The following ZNF33A variants were observed in gnomAD, a reference collection of about 807,000 sequenced individuals.
ZNF33A encodes the protein brain my041 protein.
A neutral mutation model predicts 15.9 loss-of-function variants in ZNF33A; 9 were observed. The ratio of observed to expected loss-of-function variants is 0.57; its 90% CI spans 0.34 to 0.99. The LOEUF (loss-of-function observed/expected upper bound fraction) is 0.99. ZNF33A is among the 50% of genes least tolerant of loss of function. ZNF33A has a pLI of 0.02. For missense variants in ZNF33A, 843 were observed against 941.6 expected (o/e 0.90, Z 1.37); for synonymous variants, 294 against 324.2 (o/e 0.91, Z 1.00).
At position 38,010,844 on chromosome 10, in the gene ZNF33A, C is replaced by G. The variant is rs1308439736; in HGVS notation, c.-45+61C>G. 3 of 1,584,072 alleles carry G rather than the reference C, an allele frequency of 1.9e-6. No individual in the cohort carries two copies. In the African/African-American group the frequency reaches 4.0e-5, roughly 21 times the overall value. On this transcript the variant is annotated intron_variant, in intron 1 of 4. Transcript: ENST00000432900. ...AGCCCCGCGCGACTCCTGGGGCGGG[C>G]GGCAGGGGGCCGGTACCAAGTGGTG...
chr10:38,054,358 AT>A lies in ZNF33A; in HGVS notation c.251-13del, dbSNP rs760527345. The stretch of plus-strand genomic sequence containing the variant: ...TTTTGGTATTTATGTGGTAAGATTA[AT>A]TTTGCTTGTTTCTAGAAGTCTGGAC... On this transcript the variant is annotated splice_polypyrimidine_tract_variant and intron_variant, in intron 4 of 4. Coordinates refer to ENST00000432900, the MANE Select transcript of ZNF33A (RefSeq NM_006954.2). 4 of 1,514,754 alleles carry A rather than the reference AT, an allele frequency of 2.6e-6. No individual in the cohort carries two copies. The highest frequency in any genetic ancestry group is 2.8e-5 in the African/African-American group (2 of 71,492). The allele number at this position is 1,514,754 out of a possible 1,614,324, so 93.8% of individuals were successfully genotyped here.
In ZNF33A at chr10:38,010,681, G is replaced by A; in HGVS notation, c.-147G>A. ...GTCCGCCGGCTACGTCTGCGTTTCC[G>A]CCTTTCCTTTTGTTTTTCTCAGGTT... On this transcript the variant is annotated 5_prime_UTR_variant, in exon 1 of 5. Transcript: ENST00000432900. 6.3e-7 allele frequency: 1 copy of A among 1,593,574 alleles called. No individual in the cohort carries two copies. Among genetic ancestry groups the A allele is most frequent in the Non-Finnish European group, 8.5e-7 (1 of 1,175,360 alleles).
chr10:38,011,174 T>G (rs2135518017), intron 1 of ZNF33A, among the ~76,000 whole-genome samples: 1 of 152,344 alleles, frequency 6.6e-6, no homozygotes, highest in African/African-American at 2.4e-5. Context: ...GTTGCACGTA[T>G]TGCATTCATC....
At chr10:38,024,576 G>A (rs2064901043) in intron 4 of ZNF33A, among the ~76,000 whole-genome samples, 1 of 152,086 alleles carries the variant, frequency 6.6e-6, no homozygotes, top group Non-Finnish European at 1.5e-5. Flanking sequence ...TGCATAAACA[G>A]TCAAAGTCAT....
At chr10:38,010,826 C>A (rs773903723) in intron 1 of ZNF33A, 43 bp downstream of exon 1, 1 of 1,595,368 alleles carries the variant, frequency 6.3e-7, no homozygotes, top group African/African-American at 1.3e-5. Flanking sequence ...GGGAGCCCCG[C>A]GCGACTCCTG....
chr10:38,015,144 G>C (rs2064388838), intron 2 of ZNF33A, among the ~76,000 whole-genome samples: 1 of 152,024 alleles, frequency 6.6e-6, no homozygotes, highest in Non-Finnish European at 1.5e-5. Flanking sequence ...CAAAGTACTA[G>C]GATTATAGAT....
chr10:38,041,166 G>GT (rs909206344), intron 4 of ZNF33A, among the ~76,000 whole-genome samples: 3 of 151,770 alleles, frequency 2.0e-5, no homozygotes, highest in Non-Finnish European at 2.9e-5. Context: ...GTGCAGTTTT[G>GT]TTACCCAGAC....
At chr10:38,019,669 CATT>C (rs2064649075) in intron 4 of ZNF33A, among the ~76,000 whole-genome samples, 1 of 152,252 alleles carries the variant, frequency 6.6e-6, no homozygotes, top group Non-Finnish European at 1.5e-5. Context: ...GAACTAAAGG[CATT>C]ATTAGACAGG....
Position 38,020,559 on chromosome 10 carries a change from A to G in ZNF33A, c.250+3173A>G, listed in dbSNP as rs181057614. The stretch of plus-strand genomic sequence containing the variant: ...TCCTTTTACTTTCTACCTCACCTCC[A>G]TGAGTTCAGTTATGTTAATTTTTAG... On this transcript the variant is annotated intron_variant, in intron 4 of 4. Transcript: ENST00000432900. Among the ~76,000 whole-genome samples, 385 of 152,128 alleles carry G rather than the reference A, an allele frequency of 2.5e-3. 1 individual carries two copies. Among genetic ancestry groups the G allele is most frequent in the Non-Finnish European group, 3.4e-3 (233 of 68,004 alleles).
In ZNF33A at chr10:38,055,335, A is replaced by G. The variant is rs775518760; in HGVS notation, c.1211A>G (p.Gln404Arg). 9.3e-6 allele frequency: 15 copies of G among 1,614,032 alleles called. No individual in the cohort carries two copies. The highest frequency in any genetic ancestry group is 1.3e-5 in the Non-Finnish European group (15 of 1,180,006). ...CATAAGTCAGCCCTCACATTACACC[A>G]GAGAACACATACAGGGGAGAAACCC... The part of the protein sequence containing the change: ...FSHKSALTLH[Q>R]RTHTGEKPYQ... The change falls in exon 5 of 5, where the codon CAG (glutamine) becomes CGG (arginine). Residue 404 changes from glutamine (Q) to arginine (R), a missense_variant. Physicochemically the swap from Gln to Arg is conservative, Grantham distance 43. Coordinates refer to ENST00000432900, the MANE Select transcript of ZNF33A (RefSeq NM_006954.2).
chr10:38,040,353 A>G (rs1292912463), intron 4 of ZNF33A, among the ~76,000 whole-genome samples: 3 of 152,100 alleles, frequency 2.0e-5, no homozygotes, highest in Admixed American at 2.0e-4. Flanking sequence ...TTCCATGTTT[A>G]TATTGTGCCC....
At chr10:38,031,101 A>T (rs1348466862) in intron 4 of ZNF33A, among the ~76,000 whole-genome samples, 1 of 152,218 alleles carries the variant, frequency 6.6e-6, no homozygotes, top group African/African-American at 2.4e-5. Flanking sequence ...AGAACTAAAT[A>T]TACACAACTA....
At chr10:38,041,542 T>A (rs541303158) in intron 4 of ZNF33A, among the ~76,000 whole-genome samples, 1 of 152,082 alleles carries the variant, frequency 6.6e-6, no homozygotes, top group Admixed American at 6.5e-5. Context: ...TTTATATATA[T>A]TACATATATA....
chr10:38,048,205 G>C (rs1222436381), intron 4 of ZNF33A, among the ~76,000 whole-genome samples: 1 of 152,100 alleles, frequency 6.6e-6, no homozygotes, highest in Admixed American at 6.6e-5. Context: ...GGGGGATGAA[G>C]GACAGGAAAT....
intron 2 of ZNF33A, among the ~76,000 whole-genome samples, chr10:38,016,254 G>A (rs1315628157): frequency 4.6e-5 from 7 of 152,162 alleles, no homozygotes; most frequent in Admixed American, 4.6e-4. Flanking sequence ...ATATAAATCT[G>A]TAGTTCTCAG....
At chr10:38,011,981 C>T (rs1461293599) in intron 1 of ZNF33A, among the ~76,000 whole-genome samples, 1 of 152,090 alleles carries the variant, frequency 6.6e-6, no homozygotes, top group Admixed American at 6.6e-5. Context: ...CCAATATTGT[C>T]ATTATACTTT....
At chr10:38,012,422 T>C in intron 2 of ZNF33A, 72 bp downstream of exon 2, 1 of 1,345,754 alleles carries the variant, frequency 7.4e-7, no homozygotes, top group South Asian at 1.4e-5. Flanking sequence ...CGATATGGTG[T>C]TTGTTTTTTT....
chr10:38,012,475 A>C (rs1590427763), intron 2 of ZNF33A, 125 bp downstream of exon 2: 1 of 1,135,438 alleles, frequency 8.8e-7, no homozygotes, highest in Non-Finnish European at 1.2e-6. Context: ...TCTGTCACCC[A>C]GGCTGGAGTA....
At chr10:38,041,110 A>G (rs1177520014) in intron 4 of ZNF33A, among the ~76,000 whole-genome samples, 2 of 151,970 alleles carry the variant, frequency 1.3e-5, no homozygotes, top group East Asian at 1.9e-4. Context: ...TTTACATGAC[A>G]TGAATATATT....
Sources: gnomAD v4.1 joint callset for allele counts (sites outside exome capture counted in the v4.1 genomes callset) on GRCh38, gnomAD v4.1.1 for gene constraint, MANE v1.5 for transcripts, NCBI Gene and HGNC (gene_info 2026-07-23, HGNC 2026-07-21) for gene names.